Variants in THAP4 observed in about 807,000 individuals in gnomAD.
The protein encoded by THAP4 is peroxynitrite isomerase THAP4.
Under a neutral mutation model 48.1 loss-of-function variants are expected in THAP4, and 18 were observed. The observed-to-expected ratio is 0.37, with a 90% CI of 0.26 to 0.56. THAP4 has a LOEUF of 0.56. Among genes scored for constraint, THAP4 ranks in the 20% least tolerant of loss-of-function variants. THAP4 has a pLI of 0.78. For missense variants in THAP4, 656 were observed against 774.9 expected, an observed-to-expected ratio of 0.85 and a Z score of 1.82; for synonymous variants, 345 against 324.9, an observed-to-expected ratio of 1.06 and a Z score of -0.66.
chr2:241,619,672 T>C (rs977024989), intron 2 of THAP4, among the ~76,000 whole-genome samples: 4 of 151,792 alleles, frequency 2.6e-5, no homozygotes, highest in African/African-American at 9.7e-5. Context: ...GGTGAGTAAG[T>C]TGGTAAGTGA....
intron 4 of THAP4, chr2:241,602,240 C>G: frequency 1.8e-6 from 1 of 552,696 alleles, no homozygotes; most frequent in South Asian, 2.4e-5. Context: ...GGCCCCAGCC[C>G]TCCCACCTCC....
intron 2 of THAP4, chr2:241,617,572 A>T: frequency 9.8e-7 from 1 of 1,018,064 alleles, no homozygotes. Context: ...CCACTATGAA[A>T]GATCACGTCT....
Position 241,606,394 on chromosome 2 carries a change from C to T in THAP4, c.1320G>A (p.Gly440=), listed in dbSNP as rs764281800. Residue 440 remains glycine, a synonymous_variant, in exon 3 of 6, where the codon GGG becomes GGA. Transcript: ENST00000407315. ...GTWLSDPPGA[G]TYPTLQPFQY... ...GGAAGGGCTGCAGTGTGGGGTAGGT[C>T]CCGGCTCCAGGTGGGTCCGACAGCC... 3.7e-6 allele frequency: 6 copies of T among 1,600,478 alleles called. No homozygotes were observed. The East Asian group carries it at 9.0e-5, about 24-fold the overall frequency.
chr2:241,596,019 G>C (rs948267334), intron 5 of THAP4, among the ~76,000 whole-genome samples: 1 of 152,212 alleles, frequency 6.6e-6, no homozygotes, highest in East Asian at 1.9e-4. Flanking sequence ...GTTTCCTCCA[G>C]ACTCTGCCCC....
chr2:241,635,790 A>G (rs2067635654), intron 1 of THAP4, among the ~76,000 whole-genome samples: 1 of 152,136 alleles, frequency 6.6e-6, no homozygotes, highest in South Asian at 2.1e-4. Flanking sequence ...AAAAAAAGAA[A>G]AAAAAACCAG....
chr2:241,603,067 G>C lies in THAP4; in HGVS notation c.1413C>G (p.Phe471Leu). 6.2e-7 allele frequency: 1 copy of C among 1,613,766 alleles called. No homozygotes were observed. The highest frequency in any genetic ancestry group is 8.5e-7 in the Non-Finnish European group (1 of 1,179,794). Residue 471 changes from phenylalanine (F) to leucine (L), a missense_variant, in exon 4 of 6, where the codon TTC becomes TTG. By Grantham distance (22) the Phe-to-Leu change is conservative (BLOSUM62 0). Around this residue, in one of 4 missense-constraint regions of THAP4, gnomAD observed 176 missense variants for 256.7 expected, o/e 0.69. Transcript: ENST00000407315. Reference sequence around the variant, plus strand: ...GCATCGGCTTGCGCGTGTCCGGGTGGAAGGAGTTGAACCTGGACGGGAAGT... The same window carrying C: ...GCATCGGCTTGCGCGTGTCCGGGTGCAAGGAGTTGAACCTGGACGGGAAGT... ...QPMLNFSFNSFHPDTRKPMHR... is the reference protein window; with the variant it reads ...QPMLNFSFNSLHPDTRKPMHR...
At chr2:241,595,238 T>C (rs945974714) in intron 5 of THAP4, among the ~76,000 whole-genome samples, 2 of 152,032 alleles carry the variant, frequency 1.3e-5, no homozygotes, top group African/African-American at 2.4e-5. Flanking sequence ...TGGTCTCGAA[T>C]TCCTGACCTC....
intron 5 of THAP4, among the ~76,000 whole-genome samples, chr2:241,585,915 AAAAAAAAAAAAAAAG>A (rs2066888746): frequency 7.2e-6 from 1 of 139,748 alleles, no homozygotes; most frequent in South Asian, 2.5e-4. Context: ...TCCTTCTCAA[AAAAAAAAAAAAAAAG>A]AAAAAAAAAA....
chr2:241,615,787 G>T (rs1265360858), intron 2 of THAP4, among the ~76,000 whole-genome samples: 1 of 152,192 alleles, frequency 6.6e-6, no homozygotes. Flanking sequence ...CTCCCAGGTG[G>T]GAGTGAGGAC....
intron 5 of THAP4, among the ~76,000 whole-genome samples, chr2:241,595,014 C>A (rs921628739): frequency 6.6e-6 from 1 of 151,634 alleles, no homozygotes; most frequent in African/African-American, 2.4e-5. Context: ...ATGTGAAGAT[C>A]TTTTTTTTTC....
intron 3 of THAP4, among the ~76,000 whole-genome samples, chr2:241,604,917 C>T (rs562183290): frequency 2.6e-5 from 4 of 152,300 alleles, no homozygotes; most frequent in African/African-American, 9.6e-5. Context: ...TACATGCTCA[C>T]TAACATAACC....
intron 5 of THAP4, among the ~76,000 whole-genome samples, chr2:241,600,933 A>C (rs1265543595): frequency 2.0e-5 from 3 of 151,646 alleles, no homozygotes; most frequent in Non-Finnish European, 2.9e-5. Context: ...TAAAGCAGAC[A>C]ACAGATTAAC....
intron 2 of THAP4, among the ~76,000 whole-genome samples, chr2:241,606,974 G>C (rs1349580739): frequency 6.6e-6 from 1 of 151,406 alleles, no homozygotes; most frequent in Non-Finnish European, 1.5e-5. Context: ...AGGAGACAAA[G>C]AGCATCAGGG....
At chr2:241,599,852 T>C (rs567231407) in intron 5 of THAP4, among the ~76,000 whole-genome samples, 105 of 152,272 alleles carry the variant, frequency 6.9e-4, no homozygotes, top group African/African-American at 2.3e-3. Context: ...GACATTAACA[T>C]GTAATATACA....
chr2:241,607,568 C>A (rs890044112), intron 2 of THAP4, among the ~76,000 whole-genome samples: 37 of 151,562 alleles, frequency 2.4e-4, no homozygotes, highest in Non-Finnish European at 4.0e-4. Flanking sequence ...CACCCAGGAG[C>A]AGCAGCAGGG....
At chr2:241,602,830 T>A in intron 4 of THAP4, 140 bp downstream of exon 4, 1 of 676,942 alleles carries the variant, frequency 1.5e-6, no homozygotes, top group Non-Finnish European at 2.6e-6. Context: ...AGGACCACTC[T>A]CAACACTCAG....
intron 2 of THAP4, among the ~76,000 whole-genome samples, chr2:241,620,110 GGT>G (rs1559230739): frequency 1.9e-5 from 2 of 103,894 alleles, no homozygotes; most frequent in Non-Finnish European, 2.0e-5. Flanking sequence ...GTGAGTGAGG[GGT>G]GAGGGGTAAG....
At position 241,597,694 on chromosome 2, in the gene THAP4, G is replaced by C. The variant is rs1177538208; in HGVS notation, c.1614+4202C>G. ...TCTAGCCTCAAGGTCCCTGCCTTCT[G>C]TGTGTGCTTCCTGGCTTCCTCAGTC... On this transcript the variant is annotated intron_variant, in intron 5 of 5. Transcript: ENST00000407315. 2.0e-5 allele frequency among the ~76,000 whole-genome samples: 3 copies of C among 152,152 alleles called. No individual in the cohort carries two copies. The East Asian group carries it at 5.8e-4, about 29-fold the overall frequency.
At chr2:241,632,862 G>C in intron 2 of THAP4, 55 bp downstream of exon 2, 1 of 1,415,886 alleles carries the variant, frequency 7.1e-7, no homozygotes, top group Non-Finnish European at 9.5e-7. Context: ...CCACCTTGCA[G>C]AGAAACCCCT....
Sources: gnomAD v4.1 joint callset for allele counts (sites outside exome capture counted in the v4.1 genomes callset) on GRCh38, gnomAD v4.1.1 for gene constraint, gnomAD v4.1.1 regional missense constraint, MANE v1.5 for transcripts, NCBI Gene and HGNC (gene_info 2026-07-23, HGNC 2026-07-21) for gene names.